Variants in RORA observed in about 807,000 individuals in gnomAD.
RORA encodes nuclear receptor ROR-alpha.
A neutral mutation model predicts 69.5 loss-of-function variants in RORA; 7 were observed. The observed-to-expected ratio is 0.10, with a 90% CI of 0.06 to 0.19. The LOEUF (loss-of-function observed/expected upper bound fraction) is 0.19. Among genes scored for constraint, RORA ranks in the 10% least tolerant of loss-of-function variants. The probability of loss-of-function intolerance (pLI) is 1.00; values close to 1 mark genes in which losing one functional copy is unlikely to be tolerated. For synonymous variants in RORA, 261 were observed against 240.8 expected, an observed-to-expected ratio of 1.08 and a Z score of -0.78; for missense variants, 457 against 663.0, an observed-to-expected ratio of 0.69 and a Z score of 3.41.
At chr15:61,050,691 T>C (rs1257388147) in intron 1 of RORA, among the ~76,000 whole-genome samples, 1 of 152,224 alleles carries the variant, frequency 6.6e-6, no homozygotes, top group Non-Finnish European at 1.5e-5. Flanking sequence ...GGGTTGGTCT[T>C]GGCTGTGATA....
chr15:60,903,262 C>G (rs934151043), intron 1 of RORA, among the ~76,000 whole-genome samples: 3 of 152,168 alleles, frequency 2.0e-5, no homozygotes, highest in African/African-American at 4.8e-5. Context: ...GCACATGAAG[C>G]CTGCAAAACT....
intron 1 of RORA, among the ~76,000 whole-genome samples, chr15:61,127,585 T>C (rs1383946565): frequency 6.6e-6 from 1 of 152,222 alleles, no homozygotes; most frequent in Non-Finnish European, 1.5e-5. Context: ...ACGAAATGAA[T>C]GGCAATCAAC....
At chr15:61,056,237 A>G (rs1007966441) in intron 1 of RORA, among the ~76,000 whole-genome samples, 1 of 152,242 alleles carries the variant, frequency 6.6e-6, no homozygotes, top group Non-Finnish European at 1.5e-5. Flanking sequence ...GTATTCCTAC[A>G]TGGGCTTTCT....
intron 1 of RORA, among the ~76,000 whole-genome samples, chr15:61,063,817 G>T (rs1025052874): frequency 6.6e-5 from 10 of 152,140 alleles, no homozygotes; most frequent in African/African-American, 2.2e-4. Context: ...CCCAAATCAG[G>T]TTTCCTGTGA....
chr15:61,029,335 C>G (rs1896016371), intron 1 of RORA, among the ~76,000 whole-genome samples: 1 of 152,064 alleles, frequency 6.6e-6, no homozygotes, highest in Non-Finnish European at 1.5e-5. Flanking sequence ...AGGATCAGGC[C>G]TGAGATGAGA....
At chr15:61,038,187 GTTATCGAACGTA>G (rs1426083180) in intron 1 of RORA, among the ~76,000 whole-genome samples, 1 of 152,184 alleles carries the variant, frequency 6.6e-6, no homozygotes, top group Non-Finnish European at 1.5e-5. Flanking sequence ...AGAATGGCAA[GTTATCGAACGTA>G]TTATGAACTA....
At chr15:60,505,138 TC>T (rs2065458130) in intron 6 of RORA, among the ~76,000 whole-genome samples, 1 of 152,200 alleles carries the variant, frequency 6.6e-6, no homozygotes, top group South Asian at 2.1e-4. Context: ...CTTGTCAACT[TC>T]CAGAAACATT....
At position 60,494,835 on chromosome 15, in the gene RORA, T is replaced by C. The variant is rs1231336648; in HGVS notation, c.*2620A>G. The C allele has an allele frequency of 6.6e-6, 1 of 152,250 alleles. No individual in the cohort carries two copies. The highest frequency in any genetic ancestry group is 1.5e-5 in the Non-Finnish European group (1 of 68,052). 9.4% of individuals were successfully genotyped at this position (152,250 alleles called of 1,614,324 possible). On this transcript the variant is annotated 3_prime_UTR_variant, in exon 11 of 11. Transcript: ENST00000335670. ...ACTATTACTGTGGTTAGAGCATGAT[T>C]GTTTGTAGGTACATGCAGAATCCCT... is the stretch of plus-strand genomic sequence containing the variant.
intron 1 of RORA, among the ~76,000 whole-genome samples, chr15:61,151,766 A>ACTTTT (rs1387669984): frequency 6.6e-6 from 1 of 152,232 alleles, no homozygotes; most frequent in African/African-American, 2.4e-5. Flanking sequence ...CTTATCAAGC[A>ACTTTT]TGTACTTTAA....
chr15:61,189,349 G>C (rs1009559760), intron 1 of RORA, among the ~76,000 whole-genome samples: 4 of 152,168 alleles, frequency 2.6e-5, no homozygotes, highest in African/African-American at 9.7e-5. Flanking sequence ...CTGTATCCAC[G>C]CACTCTATTT....
chr15:61,186,062 T>C (rs1256979218), intron 1 of RORA, among the ~76,000 whole-genome samples: 1 of 152,352 alleles, frequency 6.6e-6, no homozygotes, highest in East Asian at 1.9e-4. Flanking sequence ...TGGCTCCTCC[T>C]AAAACGTGAA....
chr15:61,067,341 T>C (rs1211621424), intron 1 of RORA, among the ~76,000 whole-genome samples: 1 of 152,040 alleles, frequency 6.6e-6, no homozygotes, highest in Non-Finnish European at 1.5e-5. Flanking sequence ...CCTGACCTTG[T>C]GATCCGCCCG....
chr15:60,888,475 C>T lies in RORA; in HGVS notation c.167-209789G>A, dbSNP rs979615652. Among the ~76,000 whole-genome samples, 48 of 152,336 alleles carry T rather than the reference C, an allele frequency of 3.2e-4. 1 individual carries two copies. The Middle Eastern group carries it at 0.01, about 32-fold the overall frequency. On this transcript the variant is annotated intron_variant, in intron 1 of 10. Transcript: ENST00000335670. Reference sequence around the variant, plus strand: ...ACGTGTGCACATGCACACACACACACACGCACATATACACATGCAAACACA... The same window carrying T: ...ACGTGTGCACATGCACACACACACATACGCACATATACACATGCAAACACA...
intron 1 of RORA, among the ~76,000 whole-genome samples, chr15:60,791,037 T>G (rs1196153738): frequency 6.7e-6 from 1 of 150,144 alleles, no homozygotes; most frequent in African/African-American, 2.4e-5. Flanking sequence ...GCTTGTTTGG[T>G]GGTGTTTATT....
At chr15:61,032,067 G>A (rs1896199415) in intron 1 of RORA, among the ~76,000 whole-genome samples, 1 of 152,152 alleles carries the variant, frequency 6.6e-6, no homozygotes, top group Non-Finnish European at 1.5e-5. Context: ...GGGACTTATT[G>A]CACGTAAGCA....
chr15:61,144,083 T>G (rs12904761), intron 1 of RORA, among the ~76,000 whole-genome samples: 1 of 151,990 alleles, frequency 6.6e-6, no homozygotes, highest in Admixed American at 6.6e-5. Context: ...AACAAGAACC[T>G]TGTGTAAAAA....
Position 60,490,499 on chromosome 15 carries a change from C to T in RORA, c.*6956G>A, listed in dbSNP as rs2065024797. The T allele has an allele frequency of 6.6e-6, 1 of 151,932 alleles. No individual in the cohort carries two copies. Among genetic ancestry groups the T allele is most frequent in the Non-Finnish European group, 1.5e-5 (1 of 67,958 alleles). 9.4% of individuals were successfully genotyped at this position (151,932 alleles called of 1,614,324 possible). A position where few individuals can be genotyped will look rare whatever the true frequency, so the allele number is the denominator to read the frequency against. Reference sequence around the variant, plus strand: ...AACTGTATAGAGATGTGCAGAACAACATTAAATATTATGACTCAAAAGCAG... The same window carrying T: ...AACTGTATAGAGATGTGCAGAACAATATTAAATATTATGACTCAAAAGCAG... On this transcript the variant is annotated 3_prime_UTR_variant, in exon 11 of 11. Coordinates refer to ENST00000335670, the MANE Select transcript of RORA (RefSeq NM_134261.3). This position sits in a 1 kb window ranked among gnomAD's most constrained non-coding sequence, Gnocchi z 4.1.
At chr15:60,952,027 T>C (rs1244798226) in intron 1 of RORA, among the ~76,000 whole-genome samples, 1 of 150,602 alleles carries the variant, frequency 6.6e-6, no homozygotes, top group Non-Finnish European at 1.5e-5. Flanking sequence ...TGAACATTGA[T>C]GCAAAAATCC....
chr15:60,514,430 T>G (rs975708391), intron 4 of RORA, among the ~76,000 whole-genome samples, 186 bp downstream of exon 4: 2 of 151,030 alleles, frequency 1.3e-5, no homozygotes, highest in South Asian at 4.2e-4. Context: ...ACTCTGAGGA[T>G]GAGGAGGAGG....
Sources: allele counts gnomAD v4.1 joint callset (sites outside exome capture counted in the v4.1 genomes callset), GRCh38; gene constraint gnomAD v4.1.1; non-coding constraint Gnocchi (gnomAD v3.1); transcripts MANE v1.5; gene names NCBI Gene and HGNC (gene_info 2026-07-23, HGNC 2026-07-21).